Variants in CCBE1 observed in about 807,000 individuals in gnomAD.
CCBE1 encodes the protein collagen and calcium binding EGF domains 1, also known as collagen and calcium-binding EGF domain-containing protein 1.
A neutral mutation model predicts 50.0 loss-of-function variants in CCBE1; 37 were observed. The observed-to-expected ratio is 0.74, with a 90% CI of 0.57 to 0.97. The LOEUF (loss-of-function observed/expected upper bound fraction) is 0.97, where lower values mean the gene tolerates loss of function less well. Among genes scored for constraint, CCBE1 ranks in the 50% least tolerant of loss-of-function variants. The pLI is 0.00. For synonymous variants in CCBE1, 234 were observed against 203.7 expected (o/e 1.15, Z -1.27); for missense variants, 538 against 523.8 (o/e 1.03, Z -0.26).
chr18:59,689,584 A>G (rs912080725), intron 2 of CCBE1, among the ~76,000 whole-genome samples: 6 of 152,228 alleles, frequency 3.9e-5, no homozygotes, highest in Middle Eastern at 3.2e-3. Flanking sequence ...GAAGTGTCAC[A>G]TACTTATATG....
Position 59,480,179 on chromosome 18 carries a change from T to C in CCBE1, c.265+7A>G. 6.4e-7 allele frequency: 1 copy of C among 1,562,370 alleles called. No homozygotes were observed. Among genetic ancestry groups the C allele is most frequent in the Non-Finnish European group, 8.8e-7 (1 of 1,133,594 alleles). The stretch of plus-strand genomic sequence containing the variant: ...AAGTCAGACAATATCTTTTTTATAT[T>C]ACATACCTTCTGGGATGCATTGTCC... On this transcript the variant is annotated splice_region_variant and intron_variant, in intron 3 of 10. Transcript: ENST00000439986.
In CCBE1 at chr18:59,679,979, T is replaced by C. The variant is rs57188491; in HGVS notation, c.212+16650A>G. On this transcript the variant is annotated intron_variant, in intron 2 of 10. Transcript: ENST00000439986. ...TTGTTCATGCCTGTAATCCCAGCAC[T>C]TTGGGAGGCCGAGGCAGGTAAATCA... is the stretch of plus-strand genomic sequence containing the variant. Among the ~76,000 whole-genome samples the C allele has an allele frequency of 9.0e-3, 1,372 of 152,072 alleles. 28 individuals carry two copies. Among genetic ancestry groups the C allele is most frequent in the African/African-American group, 0.032 (1,308 of 41,454 alleles).
chr18:59,619,844 C>G (rs2053688577), intron 2 of CCBE1, among the ~76,000 whole-genome samples: 1 of 152,148 alleles, frequency 6.6e-6, no homozygotes, highest in Admixed American at 6.6e-5. Flanking sequence ...GAATTTATAT[C>G]TAACTTCATT....
intron 2 of CCBE1, among the ~76,000 whole-genome samples, chr18:59,526,077 T>G (rs1001162014): frequency 6.6e-6 from 1 of 152,206 alleles, no homozygotes; most frequent in Non-Finnish European, 1.5e-5. Flanking sequence ...TATGGGATTT[T>G]GGTTCTATAT....
At chr18:59,640,937 A>C (rs1448403381) in intron 2 of CCBE1, among the ~76,000 whole-genome samples, 1 of 152,176 alleles carries the variant, frequency 6.6e-6, no homozygotes, top group African/African-American at 2.4e-5. Flanking sequence ...ACAAGCAGAT[A>C]CCGTCTCGTA....
At chr18:59,514,504 C>T (rs922046672) in intron 2 of CCBE1, among the ~76,000 whole-genome samples, 2 of 152,060 alleles carry the variant, frequency 1.3e-5, no homozygotes, top group African/African-American at 2.4e-5. Flanking sequence ...CTGACATTTT[C>T]GGCTGGCCCA....
chr18:59,590,850 C>T (rs1473563027), intron 2 of CCBE1, among the ~76,000 whole-genome samples: 1 of 152,108 alleles, frequency 6.6e-6, no homozygotes, highest in Non-Finnish European at 1.5e-5. Context: ...TCACTCCATA[C>T]ATAAGAATAA....
At chr18:59,580,498 T>C (rs936551744) in intron 2 of CCBE1, among the ~76,000 whole-genome samples, 1 of 152,198 alleles carries the variant, frequency 6.6e-6, no homozygotes, top group Admixed American at 6.5e-5. Flanking sequence ...TCCTCAGCCT[T>C]GGCAAAATAC....
At chr18:59,547,095 GA>G (rs1915730664) in intron 2 of CCBE1, among the ~76,000 whole-genome samples, 1 of 145,484 alleles carries the variant, frequency 6.9e-6, no homozygotes. Context: ...GAGAGAGAGG[GA>G]GGTAGGGAGA....
chr18:59,596,383 G>A (rs899189077), intron 2 of CCBE1, among the ~76,000 whole-genome samples: 5 of 152,180 alleles, frequency 3.3e-5, no homozygotes, highest in African/African-American at 1.2e-4. Context: ...GTTCAACACT[G>A]AAGGTGTCAC....
intron 2 of CCBE1, among the ~76,000 whole-genome samples, chr18:59,488,713 C>T (rs1000761075): frequency 3.9e-5 from 6 of 152,182 alleles, no homozygotes; most frequent in Non-Finnish European, 8.8e-5. Context: ...GTTCTTCTAA[C>T]TCAATTTCCT....
chr18:59,560,635 A>C (rs1167499627), intron 2 of CCBE1, among the ~76,000 whole-genome samples: 2 of 152,212 alleles, frequency 1.3e-5, no homozygotes, highest in Non-Finnish European at 2.9e-5. Flanking sequence ...ACATGGGATT[A>C]AACAAAACAA....
chr18:59,451,245 TAGAG>T (rs1910915838), intron 6 of CCBE1, among the ~76,000 whole-genome samples: 1 of 151,150 alleles, frequency 6.6e-6, no homozygotes, highest in African/African-American at 2.4e-5. Flanking sequence ...GGTTTAAGAG[TAGAG>T]AGAGAAATTC....
At chr18:59,625,157 C>T (rs537549805) in intron 2 of CCBE1, among the ~76,000 whole-genome samples, 3 of 152,144 alleles carry the variant, frequency 2.0e-5, no homozygotes, top group East Asian at 1.9e-4. Flanking sequence ...ATAGGCCGGG[C>T]GTGGTGGCTC....
At chr18:59,546,795 G>C (rs531481775) in intron 2 of CCBE1, among the ~76,000 whole-genome samples, 1 of 152,090 alleles carries the variant, frequency 6.6e-6, no homozygotes, top group African/African-American at 2.4e-5. Flanking sequence ...TCTAGGCTTT[G>C]TGTCTATAGT....
chr18:59,646,426 G>C lies in CCBE1; in HGVS notation c.212+50203C>G, dbSNP rs549324111. On this transcript the variant is annotated intron_variant, in intron 2 of 10. Transcript: ENST00000439986. ...GATGGCCCAGAACTAGCTTCTAAGA[G>C]GGGAAATCTACAACGCCATCTAGAG... Among the ~76,000 whole-genome samples the C allele has an allele frequency of 5.1e-4, 78 of 152,292 alleles. No homozygotes were observed. In the South Asian group the frequency reaches 0.016, roughly 30 times the overall value.
At chr18:59,559,267 T>C (rs1022384213) in intron 2 of CCBE1, among the ~76,000 whole-genome samples, 1 of 152,174 alleles carries the variant, frequency 6.6e-6, no homozygotes, top group African/African-American at 2.4e-5. Context: ...CTGACTGCAC[T>C]GTGGGAAGTG....
At chr18:59,587,594 G>A (rs961527755) in intron 2 of CCBE1, among the ~76,000 whole-genome samples, 1 of 152,154 alleles carries the variant, frequency 6.6e-6, no homozygotes, top group African/African-American at 2.4e-5. Flanking sequence ...GTCTGCTTAT[G>A]GTCTATAGGC....
At chr18:59,475,255 A>G (rs1262127606) in intron 3 of CCBE1, among the ~76,000 whole-genome samples, 1 of 152,232 alleles carries the variant, frequency 6.6e-6, no homozygotes, top group Non-Finnish European at 1.5e-5. Flanking sequence ...TCCCAAGATT[A>G]AATCCATTTG....
Sources: gnomAD v4.1 joint callset for allele counts (sites outside exome capture counted in the v4.1 genomes callset) on GRCh38, gnomAD v4.1.1 for gene constraint, MANE v1.5 for transcripts, NCBI Gene and HGNC (gene_info 2026-07-23, HGNC 2026-07-21) for gene names.